Variants in MAP4K3 observed in about 807,000 individuals in gnomAD.
MAP4K3 encodes MAPK/ERK kinase kinase kinase 3.
In MAP4K3, 94 loss-of-function variants were observed where a neutral mutation model predicts 143.5. That is an observed-to-expected ratio of 0.65 (90% CI 0.55 to 0.78). MAP4K3 has a LOEUF of 0.78. MAP4K3 is among the 30% of genes least tolerant of loss of function. The pLI is 0.00. For missense variants in MAP4K3, 1,077 were observed against 1,068.1 expected, an observed-to-expected ratio of 1.01 and a Z score of -0.12; for synonymous variants, 416 against 347.2, an observed-to-expected ratio of 1.20 and a Z score of -2.20.
chr2:39,396,532 T>A (rs918862002), intron 1 of MAP4K3, among the ~76,000 whole-genome samples: 2 of 150,192 alleles, frequency 1.3e-5, no homozygotes, highest in Non-Finnish European at 1.5e-5. Context: ...CAGGCTGGAG[T>A]GCAATGGCTT....
chr2:39,274,066 G>C (rs188673834), intron 24 of MAP4K3, among the ~76,000 whole-genome samples: 6 of 152,232 alleles, frequency 3.9e-5, no homozygotes, highest in Non-Finnish European at 7.4e-5. Flanking sequence ...ACTTCCAAAT[G>C]TAAGTAGGTT....
chr2:39,261,452 A>G (rs1471223282), intron 28 of MAP4K3, among the ~76,000 whole-genome samples: 2 of 152,192 alleles, frequency 1.3e-5, no homozygotes, highest in Non-Finnish European at 2.9e-5. Context: ...TACTATACAT[A>G]CCCACCGAAT....
At chr2:39,426,430 T>C (rs1003648889) in intron 1 of MAP4K3, among the ~76,000 whole-genome samples, 1 of 152,142 alleles carries the variant, frequency 6.6e-6, no homozygotes, top group African/African-American at 2.4e-5. Flanking sequence ...GATCAAATAA[T>C]AGTATTGTCT....
chr2:39,360,271 C>G (rs977512857), intron 2 of MAP4K3, among the ~76,000 whole-genome samples: 1 of 152,208 alleles, frequency 6.6e-6, no homozygotes, highest in Non-Finnish European at 1.5e-5. Flanking sequence ...TAGTTCCCAA[C>G]AGGTTCCTCA....
chr2:39,274,741 C>T (rs1012420222), intron 24 of MAP4K3, among the ~76,000 whole-genome samples: 1 of 152,058 alleles, frequency 6.6e-6, no homozygotes, highest in Non-Finnish European at 1.5e-5. Context: ...TCTCAGTGTT[C>T]TTATCTGTAA....
intron 1 of MAP4K3, among the ~76,000 whole-genome samples, chr2:39,413,712 A>G (rs1456053376): frequency 1.4e-5 from 2 of 140,098 alleles, no homozygotes; most frequent in Non-Finnish European, 3.2e-5. Context: ...ATCACCAGAC[A>G]GGGGAGTCCG....
At chr2:39,267,016 A>T (rs555577509) in intron 27 of MAP4K3, among the ~76,000 whole-genome samples, 173 bp downstream of exon 27, 1 of 152,302 alleles carries the variant, frequency 6.6e-6, no homozygotes, top group African/African-American at 2.4e-5. Context: ...AATTATTTGC[A>T]AGGTACTATG....
intron 1 of MAP4K3, among the ~76,000 whole-genome samples, chr2:39,413,015 T>C (rs1405698844): frequency 1.3e-5 from 2 of 152,210 alleles, no homozygotes; most frequent in Non-Finnish European, 2.9e-5. Flanking sequence ...TGCAACTAAC[T>C]TGTCTACCTC....
At chr2:39,300,764 C>G (rs1286894262) in intron 15 of MAP4K3, among the ~76,000 whole-genome samples, 1 of 152,258 alleles carries the variant, frequency 6.6e-6, no homozygotes, top group African/African-American at 2.4e-5. Flanking sequence ...GGAAAATTAT[C>G]TGCAGCTTTC....
chr2:39,316,415 C>CA (rs1306929042), intron 12 of MAP4K3, among the ~76,000 whole-genome samples: 2 of 152,060 alleles, frequency 1.3e-5, no homozygotes, highest in Non-Finnish European at 2.9e-5. Flanking sequence ...AAAGGCTATC[C>CA]AGGTATACAG....
chr2:39,400,284 C>T (rs375880227), intron 1 of MAP4K3, among the ~76,000 whole-genome samples: 3 of 152,190 alleles, frequency 2.0e-5, no homozygotes, highest in Non-Finnish European at 4.4e-5. Flanking sequence ...CTCTGGAATA[C>T]TACAGTCTCC....
chr2:39,386,029 T>A (rs1168381177), intron 1 of MAP4K3, among the ~76,000 whole-genome samples: 1 of 152,230 alleles, frequency 6.6e-6, no homozygotes, highest in East Asian at 1.9e-4. Context: ...CAAATTCATA[T>A]GTTGAAGTCC....
intron 1 of MAP4K3, among the ~76,000 whole-genome samples, chr2:39,425,381 T>G (rs572296851): frequency 2.6e-5 from 4 of 152,142 alleles, no homozygotes; most frequent in African/African-American, 9.7e-5. Context: ...TAAAAAGCAA[T>G]GCAATCTGCT....
At chr2:39,316,988 C>A (rs1241762168) in intron 12 of MAP4K3, among the ~76,000 whole-genome samples, 1 of 152,090 alleles carries the variant, frequency 6.6e-6, no homozygotes, top group African/African-American at 2.4e-5. Context: ...ACACTACAGG[C>A]ATCACATTAC....
chr2:39,375,602 C>T (rs1022317321), intron 2 of MAP4K3, among the ~76,000 whole-genome samples: 2 of 152,148 alleles, frequency 1.3e-5, no homozygotes, highest in African/African-American at 4.8e-5. Flanking sequence ...GTTGTAGTTA[C>T]GTATCTTTAA....
At chr2:39,398,863 C>T (rs1366028860) in intron 1 of MAP4K3, among the ~76,000 whole-genome samples, 1 of 150,898 alleles carries the variant, frequency 6.6e-6, no homozygotes. Flanking sequence ...GCCAACATGG[C>T]GAAACCCTGT....
At chr2:39,251,941 T>G in intron 32 of MAP4K3, 56 bp from the exon 33 acceptor site, 1 of 1,119,616 alleles carries the variant, frequency 8.9e-7, no homozygotes, top group South Asian at 1.3e-5. Flanking sequence ...AAATTTTTAA[T>G]GGGCACTTCA....
intron 2 of MAP4K3, among the ~76,000 whole-genome samples, chr2:39,359,012 G>C (rs189959137): frequency 6.6e-6 from 1 of 152,240 alleles, no homozygotes; most frequent in Admixed American, 6.5e-5. Flanking sequence ...GTCCCCCAAA[G>C]TCTTAGTTCA....
At chr2:39,253,776 A>G (rs1318622011) in intron 32 of MAP4K3, among the ~76,000 whole-genome samples, 2 of 152,210 alleles carry the variant, frequency 1.3e-5, no homozygotes, top group Non-Finnish European at 2.9e-5. Flanking sequence ...ATTTCTGACA[A>G]TTTTACGTGC....
Sources: gnomAD v4.1 joint callset for allele counts (sites outside exome capture counted in the v4.1 genomes callset) on GRCh38, gnomAD v4.1.1 for gene constraint, MANE v1.5 for transcripts, NCBI Gene and HGNC (gene_info 2026-07-23, HGNC 2026-07-21) for gene names.